QSOX2: variants seen among roughly 807,000 people sequenced by gnomAD.
The protein encoded by QSOX2 is sulfhydryl oxidase 2.
In QSOX2, 46 loss-of-function variants were observed where a neutral mutation model predicts 61.7. That is an observed-to-expected ratio of 0.75 (90% CI 0.59 to 0.95). The LOEUF (loss-of-function observed/expected upper bound fraction) is 0.95, where lower values mean the gene tolerates loss of function less well. QSOX2 is among the 40% of genes least tolerant of loss of function. The probability of loss-of-function intolerance (pLI) is 0.00; values close to 1 mark genes in which losing one functional copy is unlikely to be tolerated. For synonymous variants in QSOX2, 383 were observed against 388.4 expected (o/e 0.99, Z 0.16); for missense variants, 879 against 918.9 (o/e 0.96, Z 0.56).
chr9:136,215,806 T>A (rs773827669), intron 9 of QSOX2, among the ~76,000 whole-genome samples: 8 of 152,154 alleles, frequency 5.3e-5, no homozygotes, highest in Admixed American at 2.0e-4. Flanking sequence ...GGGTTTGGTT[T>A]CGTGTCTCAT....
At chr9:136,230,322 C>T (rs531191629) in intron 1 of QSOX2, among the ~76,000 whole-genome samples, 1 of 152,276 alleles carries the variant, frequency 6.6e-6, no homozygotes, top group South Asian at 2.1e-4. Flanking sequence ...TCAGGCAGCG[C>T]TAGAGAGAAT....
rs142403115 is a variant in QSOX2 at position 136,219,089 on chromosome 9, C to G, written c.897G>C (p.Leu299Phe). The change falls in exon 7 of 12, where the codon TTG becomes TTC. Residue 299 changes from leucine (L) to phenylalanine (F), a missense_variant. Physicochemically the swap from Leu to Phe is conservative, Grantham distance 22 (BLOSUM62 0). Transcript: ENST00000358701. ...TTTCTTCTTTGTGTGGCTTTTCAGGCAAGGGAAGCGATTTTTTCCTCACAT... is the reference window on the plus strand; with the variant it reads ...TTTCTTCTTTGTGTGGCTTTTCAGGGAAGGGAAGCGATTTTTTCCTCACAT... ...LPDVRKKSLP[L>F]PEKPHKEENS... 1 of 1,614,092 alleles carries G rather than the reference C, an allele frequency of 6.2e-7. No homozygotes were observed. Among genetic ancestry groups the G allele is most frequent in the Non-Finnish European group, 8.5e-7 (1 of 1,180,024 alleles).
intron 1 of QSOX2, among the ~76,000 whole-genome samples, chr9:136,237,257 G>A (rs572376305): frequency 8.6e-5 from 12 of 138,914 alleles, no homozygotes; most frequent in Admixed American, 3.6e-4. Context: ...AGCCCATCCT[G>A]GGCTGGCGTC....
intron 3 of QSOX2, among the ~76,000 whole-genome samples, chr9:136,224,390 C>A (rs745697133): frequency 4.6e-5 from 7 of 152,180 alleles, no homozygotes; most frequent in African/African-American, 9.7e-5. Flanking sequence ...CACGGCACTG[C>A]GAGGAGCAGG....
intron 1 of QSOX2, among the ~76,000 whole-genome samples, chr9:136,243,921 G>A (rs1200704044): frequency 3.3e-5 from 5 of 152,192 alleles, no homozygotes; most frequent in Non-Finnish European, 7.3e-5. Flanking sequence ...GGGTATGGAC[G>A]TTACTGTGTG....
chr9:136,244,235 G>A (rs1456966049), intron 1 of QSOX2, among the ~76,000 whole-genome samples: 3 of 152,118 alleles, frequency 2.0e-5, no homozygotes, highest in Non-Finnish European at 4.4e-5. Context: ...AAACCCCACT[G>A]AACAGTTTTT....
intron 1 of QSOX2, 43 bp downstream of exon 1, chr9:136,245,433 G>C: frequency 6.6e-7 from 1 of 1,522,294 alleles, no homozygotes; most frequent in Non-Finnish European, 8.8e-7. Context: ...GGAAGGCCGC[G>C]GTCCCGGGGG....
In QSOX2 at chr9:136,208,415, G is replaced by A. The variant is rs1024204578; in HGVS notation, c.*313C>T. 7.7e-6 allele frequency: 2 copies of A among 260,698 alleles called. No individual in the cohort carries two copies. Among genetic ancestry groups the A allele is most frequent in the African/African-American group, 4.5e-5 (2 of 44,758 alleles). 16.1% of individuals were successfully genotyped at this position (260,698 alleles called of 1,614,324 possible). ...GTGTGTGGGGAAGACTATCTGGCCTGGACTCTGCACCCTCTTTTCACATCT... is the reference window on the plus strand; with the variant it reads ...GTGTGTGGGGAAGACTATCTGGCCTAGACTCTGCACCCTCTTTTCACATCT... On this transcript the variant is annotated 3_prime_UTR_variant, in exon 12 of 12. Coordinates refer to ENST00000358701, the MANE Select transcript of QSOX2 (RefSeq NM_181701.4).
intron 1 of QSOX2, among the ~76,000 whole-genome samples, chr9:136,231,218 T>A (rs1830326776): frequency 6.6e-6 from 1 of 152,110 alleles, no homozygotes; most frequent in Non-Finnish European, 1.5e-5. Flanking sequence ...AGCACACACC[T>A]CGAGCATGGA....
At chr9:136,245,394 C>A (rs1830463747) in intron 1 of QSOX2, 82 bp downstream of exon 1, 1 of 1,224,858 alleles carries the variant, frequency 8.2e-7, no homozygotes, top group Admixed American at 2.5e-5. Context: ...CCCCGGGACC[C>A]GCCTTCTGGG....
chr9:136,211,499 A>ACCTG (rs779068431), intron 10 of QSOX2, 47 bp from the exon 11 acceptor site: 79 of 1,582,548 alleles, frequency 5.0e-5, no homozygotes, highest in Non-Finnish European at 6.6e-5. Flanking sequence ...CGTGGGCATC[A>ACCTG]CCTGACCCCA....
At position 136,209,196 on chromosome 9, in the gene QSOX2, A is replaced by T. The variant is rs367829056; in HGVS notation, c.1629T>A (p.Ile543=). 3.0e-5 allele frequency: 49 copies of T among 1,613,942 alleles called. No individual in the cohort carries two copies. Among genetic ancestry groups the T allele is most frequent in the Non-Finnish European group, 3.9e-5 (46 of 1,180,016 alleles). ...CTTCATCCCAGCTGGCCAGGCCCTT[A>T]ATTTCCTCATGGCAGGCTGGGCAGA... ...PDLCPACHEE[I]KGLASWDEGH... Residue 543 remains isoleucine, a synonymous_variant, in exon 12 of 12, where the codon ATT becomes ATA. Coordinates refer to ENST00000358701, the MANE Select transcript of QSOX2 (RefSeq NM_181701.4). This position sits in a 1 kb window ranked among gnomAD's most constrained non-coding sequence, Gnocchi z 5.6.
intron 1 of QSOX2, among the ~76,000 whole-genome samples, chr9:136,230,228 A>G (rs1830318185): frequency 6.6e-6 from 1 of 152,222 alleles, no homozygotes; most frequent in South Asian, 2.1e-4. Context: ...GCAGTGAGCC[A>G]AGATAGCGCC....
Position 136,208,804 on chromosome 9 carries a change from A to C in QSOX2, c.2021T>G (p.Phe674Cys). 6.2e-7 allele frequency: 1 copy of C among 1,614,026 alleles called. No homozygotes were observed. The highest frequency in any genetic ancestry group is 8.5e-7 in the Non-Finnish European group (1 of 1,180,014). Residue 674 changes from phenylalanine to cysteine, a missense_variant, in exon 12 of 12, where the codon TTC becomes TGC. Coordinates refer to ENST00000358701, the MANE Select transcript of QSOX2 (RefSeq NM_181701.4). ...GAAGAAGAAGTACATCACCATGAGG[A>C]ACAGGGATGAAGCCACGTACAGCAC... ...CVVLYVASSL[F>C]LMVMYFFFRV...
intron 1 of QSOX2, among the ~76,000 whole-genome samples, chr9:136,232,241 A>T (rs961159174): frequency 6.6e-6 from 1 of 152,176 alleles, no homozygotes; most frequent in Non-Finnish European, 1.5e-5. Context: ...CTGTGCAGTG[A>T]GCGCTTTCCG....
chr9:136,217,663 G>T (rs1045847277), intron 8 of QSOX2, among the ~76,000 whole-genome samples: 1 of 152,276 alleles, frequency 6.6e-6, no homozygotes, highest in African/African-American at 2.4e-5. Context: ...ACTAGACTAA[G>T]GGGAAGACGG....
chr9:136,222,223 C>T lies in QSOX2; in HGVS notation c.676-282G>A, dbSNP rs1325991235. Among the ~76,000 whole-genome samples, 2 of 152,192 alleles carry T rather than the reference C, an allele frequency of 1.3e-5. No homozygotes were observed. The highest frequency in any genetic ancestry group is 4.8e-5 in the African/African-American group (2 of 41,450). ...TGCACTTGACTTTCTAAAACCAGCG[C>T]GCCCCCCACAACACTGATACTGGTC... On this transcript the variant is annotated intron_variant, in intron 5 of 11. Transcript: ENST00000358701. This position sits in a 1 kb window ranked among gnomAD's most constrained non-coding sequence, Gnocchi z 6.9.
In QSOX2 at chr9:136,218,677, A is replaced by G; in HGVS notation, c.1086+2T>C. On this transcript the variant is annotated splice_donor_variant, in intron 8 of 11. Transcript: ENST00000358701. LOFTEE classifies it high-confidence loss of function. ...GCAGCCCAGACCAGCACCGTCCCAAACCTTGGCCAAGACAGTCACAAAGTC... is the reference window on the plus strand; with the variant it reads ...GCAGCCCAGACCAGCACCGTCCCAAGCCTTGGCCAAGACAGTCACAAAGTC... 1 of 1,613,286 alleles carries G rather than the reference A, an allele frequency of 6.2e-7. No individual in the cohort carries two copies. Among genetic ancestry groups the G allele is most frequent in the East Asian group, 2.2e-5 (1 of 44,878 alleles).
chr9:136,234,928 G>A (rs572570582), intron 1 of QSOX2, among the ~76,000 whole-genome samples: 2 of 152,100 alleles, frequency 1.3e-5, no homozygotes, highest in South Asian at 2.1e-4. Flanking sequence ...TGTGACCCCC[G>A]CTCCCTTTAC....
Sources: allele counts gnomAD v4.1 joint callset (sites outside exome capture counted in the v4.1 genomes callset), GRCh38; gene constraint gnomAD v4.1.1; non-coding constraint Gnocchi (gnomAD v3.1); transcripts MANE v1.5; gene names NCBI Gene and HGNC (gene_info 2026-07-23, HGNC 2026-07-21).